The following FAR1 variants were observed in gnomAD, a reference collection of about 807,000 sequenced individuals.
FAR1 encodes male sterility domain-containing protein 2.
FAR1 carries 22 observed loss-of-function variants against 61.1 expected under a neutral mutation model. The observed-to-expected ratio is 0.36, with a 90% CI of 0.26 to 0.51. The LOEUF (loss-of-function observed/expected upper bound fraction) is 0.51. FAR1 is among the 20% of genes least tolerant of loss of function. The pLI is 0.95. For synonymous variants in FAR1, 206 were observed against 209.7 expected (o/e 0.98, Z 0.15); for missense variants, 359 against 626.9 (o/e 0.57, Z 4.56).
At chr11:13,724,393 A>C (rs1356042574) in intron 10 of FAR1, among the ~76,000 whole-genome samples, 1 of 151,910 alleles carries the variant, frequency 6.6e-6, no homozygotes, top group Non-Finnish European at 1.5e-5. Flanking sequence ...AGAAAAAAAA[A>C]AGAAAAATTA....
At chr11:13,717,885 A>AT (rs995247844) in intron 9 of FAR1, among the ~76,000 whole-genome samples, 28 of 149,176 alleles carry the variant, frequency 1.9e-4, no homozygotes, top group East Asian at 3.9e-4. Flanking sequence ...CAGTCTCTTC[A>AT]TTTTTTTTTT....
At chr11:13,686,000 C>T (rs1352767722) in intron 1 of FAR1, among the ~76,000 whole-genome samples, 7 of 152,294 alleles carry the variant, frequency 4.6e-5, no homozygotes, top group Admixed American at 4.6e-4. Flanking sequence ...AACTTCTCTT[C>T]TAGCGCTGTG....
chr11:13,728,168 G>GA (rs1464485355), intron 11 of FAR1, among the ~76,000 whole-genome samples: 1 of 151,778 alleles, frequency 6.6e-6, no homozygotes, highest in East Asian at 1.9e-4. Flanking sequence ...AAAATTTTTT[G>GA]AAACATGAGC....
intron 1 of FAR1, among the ~76,000 whole-genome samples, 154 bp from the exon 2 acceptor site, chr11:13,694,605 A>G (rs986035847): frequency 1.3e-5 from 2 of 152,228 alleles, no homozygotes; most frequent in East Asian, 1.9e-4. Flanking sequence ...CCACTTTACT[A>G]TAATGAACTT....
chr11:13,728,667 A>G lies in FAR1; in HGVS notation c.1441A>G (p.Ile481Val). The G allele has an allele frequency of 6.2e-7, 1 of 1,612,438 alleles. No homozygotes were observed. The highest frequency in any genetic ancestry group is 1.7e-4 in the Middle Eastern group (1 of 6,056). ...NTILVILIWR[I>V]FIARSQMARN... ...TATCCTTGTGATCCTCATCTGGCGC[A>G]TTTTTATTGCAAGATCACAAATGGC... The change falls in exon 12 of 12, where the codon ATT becomes GTT. Residue 481 changes from isoleucine to valine, a missense_variant. By Grantham distance (29) the Ile-to-Val change is conservative. Transcript: ENST00000354817.
chr11:13,697,867 C>G (rs1848325293), intron 2 of FAR1, among the ~76,000 whole-genome samples: 1 of 152,132 alleles, frequency 6.6e-6, no homozygotes, highest in Non-Finnish European at 1.5e-5. Flanking sequence ...GCCTTGTTTT[C>G]TCACTAGGTC....
chr11:13,682,164 G>C (rs546876207), intron 1 of FAR1, among the ~76,000 whole-genome samples: 2 of 152,188 alleles, frequency 1.3e-5, no homozygotes, highest in Admixed American at 1.3e-4. Flanking sequence ...TGGCATTAAT[G>C]TGTTGTTTTG....
intron 4 of FAR1, among the ~76,000 whole-genome samples, chr11:13,708,447 G>GTGCACA (rs1555063885): frequency 1.5e-5 from 2 of 136,700 alleles, no homozygotes; most frequent in Non-Finnish European, 3.1e-5. Context: ...GCGCGCGCGC[G>GTGCACA]CACACACACA....
chr11:13,700,284 T>G, intron 2 of FAR1, 33 bp from the exon 3 acceptor site: 2 of 1,464,164 alleles, frequency 1.4e-6, no homozygotes, highest in East Asian at 4.8e-5. Flanking sequence ...GGAAAAATAC[T>G]GCTGTAAAAT....
chr11:13,679,395 A>C (rs1456692052), intron 1 of FAR1, among the ~76,000 whole-genome samples: 1 of 152,176 alleles, frequency 6.6e-6, no homozygotes, highest in Non-Finnish European at 1.5e-5. Flanking sequence ...AAGGAAATTG[A>C]ATACATGTTT....
intron 2 of FAR1, among the ~76,000 whole-genome samples, chr11:13,696,734 A>G (rs1848309878): frequency 6.6e-6 from 1 of 152,150 alleles, no homozygotes; most frequent in South Asian, 2.1e-4. Context: ...AAAGCCATGT[A>G]TTCTCCATTA....
intron 10 of FAR1, among the ~76,000 whole-genome samples, chr11:13,723,644 T>C (rs994584838): frequency 2.0e-5 from 3 of 152,208 alleles, no homozygotes; most frequent in Non-Finnish European, 4.4e-5. Context: ...TCTTCAAATA[T>C]TGCCTCTTCA....
In FAR1 at chr11:13,712,996, A is replaced by G; in HGVS notation, c.918A>G (p.Thr306=). The change falls in exon 8 of 12, where the codon ACA becomes ACG. Residue 306 remains threonine, a synonymous_variant. Coordinates refer to ENST00000354817, the MANE Select transcript of FAR1 (RefSeq NM_032228.6). ...RPRNIMVYNC[T]TGSTNPFHWG... ...GAAACATCATGGTGTATAATTGTAC[A>G]ACAGGCAGCACTAATCCTTTCCACT... The G allele has an allele frequency of 1.2e-6, 2 of 1,613,244 alleles. No individual in the cohort carries two copies. Among genetic ancestry groups the G allele is most frequent in the East Asian group, 2.2e-5 (1 of 44,830 alleles).
At chr11:13,683,042 T>G (rs1168306778) in intron 1 of FAR1, among the ~76,000 whole-genome samples, 4 of 152,204 alleles carry the variant, frequency 2.6e-5, no homozygotes, top group African/African-American at 9.6e-5. Flanking sequence ...CTTTCAGTAC[T>G]CCTACCATAT....
At chr11:13,676,525 G>A (rs940766403) in intron 1 of FAR1, among the ~76,000 whole-genome samples, 1 of 152,112 alleles carries the variant, frequency 6.6e-6, no homozygotes, top group African/African-American at 2.4e-5. Context: ...CTTAGAAACT[G>A]TTTTTGGCTG....
intron 9 of FAR1, among the ~76,000 whole-genome samples, chr11:13,718,862 ATC>A (rs902630301): frequency 2.0e-5 from 3 of 151,900 alleles, no homozygotes; most frequent in Non-Finnish European, 4.4e-5. Context: ...GTGGCTGGGC[ATC>A]TCTCTCTCTC....
intron 1 of FAR1, among the ~76,000 whole-genome samples, chr11:13,694,243 T>C (rs1848285472): frequency 6.6e-6 from 1 of 152,200 alleles, no homozygotes; most frequent in Non-Finnish European, 1.5e-5. Flanking sequence ...ATACTGTCAC[T>C]AAGAGACACG....
chr11:13,731,615 T>TA lies in FAR1; in HGVS notation c.*2842dup, dbSNP rs1848727155. 6.6e-6 allele frequency: 1 copy of TA among 152,308 alleles called. No individual in the cohort carries two copies. 9.4% of individuals were successfully genotyped at this position (152,308 alleles called of 1,614,324 possible). A position where few individuals can be genotyped will look rare whatever the true frequency, so the allele number is the denominator to read the frequency against. The stretch of plus-strand genomic sequence containing the variant: ...TGTTTTAGGTGTACTTGTTAATTCT[T>TA]ATGTCCTAATTTTATTTAATTCTGA... On this transcript the variant is annotated 3_prime_UTR_variant, in exon 12 of 12. Transcript: ENST00000354817.
At chr11:13,711,467 A>C (rs1848498065) in intron 5 of FAR1, among the ~76,000 whole-genome samples, 2 of 152,178 alleles carry the variant, frequency 1.3e-5, no homozygotes, top group Non-Finnish European at 2.9e-5. Context: ...AACAAGCTTA[A>C]TTTTGTAAAA....
Sources: allele counts gnomAD v4.1 joint callset (sites outside exome capture counted in the v4.1 genomes callset), GRCh38; gene constraint gnomAD v4.1.1; transcripts MANE v1.5; gene names NCBI Gene and HGNC (gene_info 2026-07-23, HGNC 2026-07-21).